ENTREP2: variants seen among roughly 807,000 people sequenced by gnomAD.
ENTREP2 encodes the protein protein ENTREP2.
the ENTREP2 span, among the ~76,000 whole-genome samples, chr15:29,632,680 A>G: frequency 6.6e-6 from 1 of 152,100 alleles, no homozygotes; most frequent in Non-Finnish European, 1.5e-5. Context: ...AGCTACTCAC[A>G]AGGCTGAAGC....
chr15:29,504,978 T>A, the ENTREP2 span, among the ~76,000 whole-genome samples: 1 of 152,216 alleles, frequency 6.6e-6, no homozygotes, highest in African/African-American at 2.4e-5. Context: ...GATACAAGGA[T>A]GTACAATGCC....
the ENTREP2 span, among the ~76,000 whole-genome samples, chr15:29,212,863 C>T: frequency 9.6e-4 from 146 of 152,296 alleles, no homozygotes; most frequent in African/African-American, 3.4e-3. Flanking sequence ...GAAGTCCTGG[C>T]CCATGCCTAT....
chr15:29,299,461 C>T, the ENTREP2 span, among the ~76,000 whole-genome samples: 1 of 152,194 alleles, frequency 6.6e-6, no homozygotes, highest in Admixed American at 6.5e-5. Context: ...GGCTTCTTGA[C>T]TGTTCCTTCA....
the ENTREP2 span, among the ~76,000 whole-genome samples, chr15:29,583,600 T>C: frequency 2.6e-5 from 4 of 152,182 alleles, no homozygotes; most frequent in African/African-American, 9.7e-5. Flanking sequence ...CATTTACCTA[T>C]GTAACAAACC....
At chr15:29,533,054 C>T in the ENTREP2 span, among the ~76,000 whole-genome samples, 1 of 152,142 alleles carries the variant, frequency 6.6e-6, no homozygotes, top group African/African-American at 2.4e-5. Flanking sequence ...AGGGATTGTA[C>T]ACAGGCTACT....
At chr15:29,207,917 A>C in the ENTREP2 span, among the ~76,000 whole-genome samples, 1 of 152,030 alleles carries the variant, frequency 6.6e-6, no homozygotes, top group Admixed American at 6.5e-5. Context: ...GGATCCCCCC[A>C]GCCTCCCCAC....
At chr15:29,517,686 A>C in the ENTREP2 span, among the ~76,000 whole-genome samples, 1 of 152,038 alleles carries the variant, frequency 6.6e-6, no homozygotes, top group Non-Finnish European at 1.5e-5. Context: ...TCCTCCCTTT[A>C]CATCCATGAA....
At chr15:29,489,874 G>T in the ENTREP2 span, among the ~76,000 whole-genome samples, 2 of 152,352 alleles carry the variant, frequency 1.3e-5, no homozygotes, top group African/African-American at 4.8e-5. Flanking sequence ...CAGGTCTCGA[G>T]ATGGCTGATG....
At chr15:29,119,885 G>A in the ENTREP2 span, among the ~76,000 whole-genome samples, 1 of 152,154 alleles carries the variant, frequency 6.6e-6, no homozygotes, top group African/African-American at 2.4e-5. Flanking sequence ...CGGGGAGAGA[G>A]CCCTGGCTAG....
At chr15:29,471,604 T>C in the ENTREP2 span, among the ~76,000 whole-genome samples, 1 of 152,142 alleles carries the variant, frequency 6.6e-6, no homozygotes, top group South Asian at 2.1e-4. Context: ...AGAGCCCATA[T>C]GCCCATCATA....
the ENTREP2 span, among the ~76,000 whole-genome samples, chr15:29,306,243 T>C: frequency 6.6e-6 from 1 of 152,140 alleles, no homozygotes; most frequent in African/African-American, 2.4e-5. Context: ...GACAGGAACC[T>C]GGAGTCAGGA....
At chr15:29,312,709 C>T in the ENTREP2 span, among the ~76,000 whole-genome samples, 1 of 152,164 alleles carries the variant, frequency 6.6e-6, no homozygotes, top group South Asian at 2.1e-4. Flanking sequence ...CTGATTGCTT[C>T]ATAGGCTGGC....
the ENTREP2 span, among the ~76,000 whole-genome samples, chr15:29,478,018 TA>T: frequency 0.019 from 837 of 43,318 alleles, 21 homozygotes; most frequent in African/African-American, 0.053. Flanking sequence ...TATATATATA[TA>T]TTTTTTTTTT....
the ENTREP2 span, among the ~76,000 whole-genome samples, chr15:29,546,920 T>A: frequency 7.1e-5 from 10 of 140,502 alleles, no homozygotes; most frequent in East Asian, 2.1e-4. Flanking sequence ...AAAAAACGGA[T>A]ACAATTAGAA....
the ENTREP2 span, among the ~76,000 whole-genome samples, chr15:29,310,270 A>C: frequency 6.6e-6 from 1 of 152,182 alleles, no homozygotes; most frequent in Non-Finnish European, 1.5e-5. Context: ...ATGGGGTCTG[A>C]GTTGGGTGCA....
the ENTREP2 span, among the ~76,000 whole-genome samples, chr15:29,233,165 G>A: frequency 2.6e-4 from 40 of 152,294 alleles, no homozygotes; most frequent in South Asian, 4.1e-4. Flanking sequence ...ATTGAAAAGT[G>A]CAAGTGGAAG....
the ENTREP2 span, among the ~76,000 whole-genome samples, chr15:29,461,357 A>C: frequency 6.6e-6 from 1 of 152,214 alleles, no homozygotes; most frequent in Non-Finnish European, 1.5e-5. Flanking sequence ...TTCTCAAAAA[A>C]ATTTCTGATG....
At chr15:29,478,598 C>A in the ENTREP2 span, among the ~76,000 whole-genome samples, 22 of 151,804 alleles carry the variant, frequency 1.4e-4, no homozygotes, top group African/African-American at 5.1e-4. Flanking sequence ...AGTTCTTGCA[C>A]GATCTGGTCA....
chr15:29,528,726 C>T, the ENTREP2 span, among the ~76,000 whole-genome samples: 6 of 149,130 alleles, frequency 4.0e-5, no homozygotes, highest in African/African-American at 1.3e-4. Flanking sequence ...TATATGCCAA[C>T]GCTCTTTCGT....
Sources: allele counts gnomAD v4.1 joint callset (sites outside exome capture counted in the v4.1 genomes callset), GRCh38; gene constraint gnomAD v4.1.1; transcripts MANE v1.5; gene names NCBI Gene and HGNC (gene_info 2026-07-23, HGNC 2026-07-21).